The following ATP2C2 variants were observed in gnomAD, a reference collection of about 807,000 sequenced individuals.
ATP2C2 encodes calcium-transporting ATPase type 2C member 2.
ATP2C2 carries 171 observed loss-of-function variants against 110.8 expected under a neutral mutation model. The ratio of observed to expected loss-of-function variants is 1.54; its 90% CI spans 1.36 to 1.75. The LOEUF is 1.75. Among genes scored for constraint, ATP2C2 ranks in the 40% most tolerant of loss-of-function variants. The pLI, the probability that ATP2C2 is intolerant of heterozygous loss-of-function variation, is 0.00. For missense variants in ATP2C2, 1,963 were observed against 1,235.0 expected, an observed-to-expected ratio of 1.59 and a Z score of -8.84; for synonymous variants, 804 against 508.4, an observed-to-expected ratio of 1.58 and a Z score of -7.82.
chr16:84,386,386 C>T (rs1420177846), intron 1 of ATP2C2, among the ~76,000 whole-genome samples: 1 of 152,172 alleles, frequency 6.6e-6, no homozygotes, highest in Non-Finnish European at 1.5e-5. Flanking sequence ...TAACTCTTTT[C>T]ACCAACAGTA....
intron 6 of ATP2C2, among the ~76,000 whole-genome samples, chr16:84,414,042 C>T (rs1409550480): frequency 6.6e-6 from 1 of 152,152 alleles, no homozygotes; most frequent in Non-Finnish European, 1.5e-5. Flanking sequence ...AAAAACCCCA[C>T]TGAGATGTAA....
chr16:84,400,332 G>T (rs4782951), intron 2 of ATP2C2, among the ~76,000 whole-genome samples: 140,947 of 146,588 alleles, frequency 0.96, 67,815 homozygotes, highest in East Asian at 1. Flanking sequence ...GTTTTTTGTT[G>T]TTTTTTTTTT....
At chr16:84,388,877 T>A (rs937244913) in intron 1 of ATP2C2, among the ~76,000 whole-genome samples, 4 of 152,190 alleles carry the variant, frequency 2.6e-5, no homozygotes, top group African/African-American at 9.7e-5. Flanking sequence ...GTTCAAGCGA[T>A]TCTCCTGCCT....
chr16:84,399,704 T>C (rs1301643657), intron 2 of ATP2C2, among the ~76,000 whole-genome samples: 1 of 152,190 alleles, frequency 6.6e-6, no homozygotes, highest in Non-Finnish European at 1.5e-5. Flanking sequence ...TACGCTATAA[T>C]AATCACATCA....
At position 84,395,851 on chromosome 16, in the gene ATP2C2, C is replaced by T. The variant is rs141644248; in HGVS notation, c.100-2648C>T. Among the ~76,000 whole-genome samples the T allele has an allele frequency of 3.5e-3, 534 of 152,178 alleles. 1 individual carries two copies. The highest frequency in any genetic ancestry group is 0.027 in the Middle Eastern group (8 of 294). On this transcript the variant is annotated intron_variant, in intron 1 of 26. Transcript: ENST00000262429. ...AAAATATACATAACATAAAATTCAC[C>T]ATTTTAACCATTTTTAAGGGTATGG...
chr16:84,382,828 G>A (rs1009577079), intron 1 of ATP2C2, among the ~76,000 whole-genome samples: 7 of 151,710 alleles, frequency 4.6e-5, no homozygotes, highest in African/African-American at 1.2e-4. Flanking sequence ...CCCAGGAGGC[G>A]GAGGTTGCAG....
At position 84,369,328 on chromosome 16, in the gene ATP2C2, C is replaced by G. The variant is rs910686383; in HGVS notation, c.99+614C>G. On this transcript the variant is annotated intron_variant, in intron 1 of 26. Coordinates refer to ENST00000262429, the MANE Select transcript of ATP2C2 (RefSeq NM_014861.4). ...TGAGGGAACGAAGTGGCAAAGCTGT[C>G]AAATAAAGCCCCTCCTGTTCCTTGG... Among the ~76,000 whole-genome samples, 42 of 152,100 alleles carry G rather than the reference C, an allele frequency of 2.8e-4. 3 individuals carry two copies. The highest frequency in any genetic ancestry group is 1.5e-5 in the Non-Finnish European group (1 of 68,022).
At chr16:84,430,501 C>T (rs1263591525) in intron 11 of ATP2C2, among the ~76,000 whole-genome samples, 1 of 151,984 alleles carries the variant, frequency 6.6e-6, no homozygotes, top group East Asian at 1.9e-4. Context: ...ATCAGCTAGG[C>T]GTGGTGGCAC....
intron 7 of ATP2C2, among the ~76,000 whole-genome samples, chr16:84,419,131 C>A (rs867015711): frequency 6.1e-5 from 9 of 146,804 alleles, no homozygotes; most frequent in African/African-American, 2.3e-4. Flanking sequence ...ATTGCTTGAA[C>A]CTGGGAGGTG....
chr16:84,404,538 T>A, intron 2 of ATP2C2: 1 of 181,306 alleles, frequency 5.5e-6, no homozygotes, highest in Non-Finnish European at 1.2e-5. Flanking sequence ...TTTCTTTCGT[T>A]CTCAGGCTAA....
intron 15 of ATP2C2, among the ~76,000 whole-genome samples, chr16:84,442,917 A>C (rs1363845867): frequency 6.6e-6 from 1 of 152,124 alleles, no homozygotes; most frequent in Non-Finnish European, 1.5e-5. Flanking sequence ...CTATGCACCC[A>C]ACACGACCCT....
rs2150566248 is a variant in ATP2C2 at position 84,439,304 on chromosome 16, G to A, written c.1111+14G>A. On this transcript the variant is annotated intron_variant, in intron 12 of 26. Transcript: ENST00000262429. The stretch of plus-strand genomic sequence containing the variant: ...TGGAGACTTTAGGTGAGGGACTCCA[G>A]CTGGTGGAATCCTTACACGTGGAAT... 1 of 1,613,374 alleles carries A rather than the reference G, an allele frequency of 6.2e-7. No individual in the cohort carries two copies. The highest frequency in any genetic ancestry group is 2.2e-5 in the East Asian group (1 of 44,884).
At position 84,448,838 on chromosome 16, in the gene ATP2C2, G is replaced by C. The variant is rs200325991; in HGVS notation, c.1660+149G>C. The C allele has an allele frequency of 1.1e-5, 12 of 1,110,444 alleles. No individual in the cohort carries two copies. The East Asian group carries it at 3.1e-4, about 29-fold the overall frequency. 68.8% of individuals were successfully genotyped at this position (1,110,444 alleles called of 1,614,324 possible). ...CGGCAATAATGTGTGCTTGGAACCT[G>C]ATGGTCACATGAAAGGCACAGAGGT... On this transcript the variant is annotated intron_variant, in intron 17 of 26. Transcript: ENST00000262429.
intron 1 of ATP2C2, among the ~76,000 whole-genome samples, chr16:84,397,851 G>A (rs931003536): frequency 2.6e-5 from 4 of 151,690 alleles, no homozygotes; most frequent in African/African-American, 4.9e-5. Context: ...CACTAACAAT[G>A]TTGAGTGAAA....
At chr16:84,461,842 A>G (rs1911384760) in intron 25 of ATP2C2, 30 bp downstream of exon 25, 12 of 1,610,318 alleles carry the variant, frequency 7.5e-6, no homozygotes, top group Non-Finnish European at 9.3e-6. Flanking sequence ...TCCTCGCTGC[A>G]GAGCTGCTGT....
chr16:84,456,236 C>T (rs1474696986), intron 21 of ATP2C2, among the ~76,000 whole-genome samples: 1,909 of 135,116 alleles, frequency 0.014, 30 homozygotes, highest in African/African-American at 0.049. Context: ...TGGTAGAATT[C>T]GGCTGTGAAT....
At position 84,451,888 on chromosome 16, in the gene ATP2C2, G is replaced by T. The variant is rs370106020; in HGVS notation, c.1661-33G>T. 1.9e-6 allele frequency: 3 copies of T among 1,587,778 alleles called. No individual in the cohort carries two copies. In the South Asian group the frequency reaches 3.4e-5, roughly 18 times the overall value. ...AAAAAACGACGGCCCCTAAGCCCCC[G>T]GTGACCCCTCCTTACTCCCCCTCTC... On this transcript the variant is annotated intron_variant, in intron 17 of 26. Coordinates refer to ENST00000262429, the MANE Select transcript of ATP2C2 (RefSeq NM_014861.4).
In ATP2C2 at chr16:84,439,231, T is replaced by G. The variant is rs371551354; in HGVS notation, c.1052T>G (p.Val351Gly). 13 of 1,612,224 alleles carry G rather than the reference T, an allele frequency of 8.1e-6. No homozygotes were observed. Among genetic ancestry groups the G allele is most frequent in the South Asian group, 1.1e-5 (1 of 90,982 alleles). ...IVVMVTLVLG[V>G]LRMAKKRVIV... ...GTCATGGTGACGCTGGTCCTGGGAG[T>G]GCTGCGGATGGCCAAGAAGCGGGTC... The change falls in exon 12 of 27, where the codon GTG (valine) becomes GGG (glycine). Residue 351 changes from valine to glycine, a missense_variant. Physicochemically the swap from Val to Gly is moderately radical, Grantham distance 109. Coordinates refer to ENST00000262429, the MANE Select transcript of ATP2C2 (RefSeq NM_014861.4).
chr16:84,373,142 T>G (rs1052948149), intron 1 of ATP2C2, among the ~76,000 whole-genome samples: 1 of 138,620 alleles, frequency 7.2e-6, no homozygotes, highest in African/African-American at 2.6e-5. Flanking sequence ...AAAAGTCAAA[T>G]TTATAATAAA....
Sources: allele counts gnomAD v4.1 joint callset (sites outside exome capture counted in the v4.1 genomes callset), GRCh38; gene constraint gnomAD v4.1.1; transcripts MANE v1.5; gene names NCBI Gene and HGNC (gene_info 2026-07-23, HGNC 2026-07-21).